Variants in MYO1D observed in about 807,000 individuals in gnomAD.
The protein encoded by MYO1D is myosin ID, also known as unconventional myosin-Id.
A neutral mutation model predicts 122.0 loss-of-function variants in MYO1D; 83 were observed. The observed-to-expected ratio is 0.68, with a 90% CI of 0.57 to 0.82. The LOEUF (loss-of-function observed/expected upper bound fraction) is 0.82. MYO1D is among the 40% of genes least tolerant of loss of function. MYO1D has a pLI of 0.00. For synonymous variants in MYO1D, 464 were observed against 446.9 expected (o/e 1.04, Z -0.48); for missense variants, 1,157 against 1,269.5 (o/e 0.91, Z 1.35).
intron 16 of MYO1D, among the ~76,000 whole-genome samples, chr17:32,693,364 T>C (rs949966885): frequency 2.0e-5 from 3 of 150,654 alleles, no homozygotes; most frequent in Non-Finnish European, 4.4e-5. Context: ...AGAAGTGTCT[T>C]GGAAAGGGAA....
intron 1 of MYO1D, among the ~76,000 whole-genome samples, chr17:32,800,804 C>T (rs1166509567): frequency 1.3e-5 from 2 of 152,016 alleles, no homozygotes; most frequent in Non-Finnish European, 2.9e-5. Flanking sequence ...AACTCCTGGG[C>T]TTGAGCAATC....
intron 21 of MYO1D, among the ~76,000 whole-genome samples, chr17:32,501,212 G>A (rs1416420917): frequency 6.6e-6 from 1 of 152,186 alleles, no homozygotes; most frequent in African/African-American, 2.4e-5. Flanking sequence ...TGGTGATGAT[G>A]ATGATGATAT....
At chr17:32,670,116 G>A (rs577756587) in intron 16 of MYO1D, among the ~76,000 whole-genome samples, 9 of 151,956 alleles carry the variant, frequency 5.9e-5, no homozygotes, top group East Asian at 3.9e-4. Context: ...GGCTGGTTTC[G>A]AATTCCTGAC....
At chr17:32,501,843 C>T (rs1185055773) in intron 21 of MYO1D, among the ~76,000 whole-genome samples, 1 of 152,158 alleles carries the variant, frequency 6.6e-6, no homozygotes, top group African/African-American at 2.4e-5. Flanking sequence ...ATTAATTGAA[C>T]CCAAAGAGGA....
chr17:32,624,714 T>C (rs556799877), intron 20 of MYO1D, among the ~76,000 whole-genome samples: 29 of 150,520 alleles, frequency 1.9e-4, no homozygotes, highest in Non-Finnish European at 3.5e-4. Context: ...GGCAGCTCTC[T>C]TTAAAGGTGC....
At chr17:32,856,838 T>C (rs1298503735) in intron 1 of MYO1D, among the ~76,000 whole-genome samples, 2 of 152,242 alleles carry the variant, frequency 1.3e-5, no homozygotes, top group African/African-American at 4.8e-5. Context: ...GCATGTTCTA[T>C]GAGCACTTTG....
At chr17:32,679,284 T>C (rs1374333659) in intron 16 of MYO1D, among the ~76,000 whole-genome samples, 1 of 151,724 alleles carries the variant, frequency 6.6e-6, no homozygotes, top group African/African-American at 2.4e-5. Context: ...TTTGTCAATT[T>C]TGTCTTTTGT....
At chr17:32,588,147 C>T (rs2087407785) in intron 21 of MYO1D, among the ~76,000 whole-genome samples, 1 of 151,954 alleles carries the variant, frequency 6.6e-6, no homozygotes, top group Admixed American at 6.6e-5. Context: ...AGCTAAAGTC[C>T]CCATAGGAAA....
At chr17:32,661,160 G>T (rs1015831696) in intron 16 of MYO1D, among the ~76,000 whole-genome samples, 1 of 151,972 alleles carries the variant, frequency 6.6e-6, no homozygotes, top group Non-Finnish European at 1.5e-5. Flanking sequence ...TATAAAGGGG[G>T]TCTTTTCTGA....
chr17:32,822,520 C>T (rs1166048188), intron 1 of MYO1D, among the ~76,000 whole-genome samples: 5 of 151,248 alleles, frequency 3.3e-5, no homozygotes, highest in East Asian at 3.9e-4. Context: ...CTTCGGTTCC[C>T]GCCTCCTCCC....
At chr17:32,710,803 A>G (rs964108808) in intron 16 of MYO1D, among the ~76,000 whole-genome samples, 1 of 152,224 alleles carries the variant, frequency 6.6e-6, no homozygotes, top group Admixed American at 6.5e-5. Context: ...TACAGCAAGC[A>G]AAGAAGCATT....
chr17:32,627,621 T>C (rs1597949026), intron 20 of MYO1D: 1 of 152,134 alleles, frequency 6.6e-6, no homozygotes, highest in East Asian at 1.9e-4. Context: ...TGCTTTGTAT[T>C]CTCCACAGAA....
At chr17:32,842,889 T>TC (rs1258904306) in intron 1 of MYO1D, among the ~76,000 whole-genome samples, 9 of 123,458 alleles carry the variant, frequency 7.3e-5, no homozygotes, top group South Asian at 5.5e-4. Flanking sequence ...TTTCTTTCTT[T>TC]TTTTTTTTTT....
chr17:32,507,891 A>AT (rs1784814235), intron 21 of MYO1D, among the ~76,000 whole-genome samples: 1 of 129,318 alleles, frequency 7.7e-6, no homozygotes, highest in South Asian at 2.5e-4. Context: ...ACCATGCTGG[A>AT]CTTTTTTTTT....
chr17:32,521,329 T>C (rs910175264), intron 21 of MYO1D, among the ~76,000 whole-genome samples: 5 of 152,168 alleles, frequency 3.3e-5, no homozygotes, highest in African/African-American at 1.2e-4. Context: ...ATATTGTCTC[T>C]CATAGCACTC....
intron 12 of MYO1D, among the ~76,000 whole-genome samples, chr17:32,747,337 AG>A (rs2089848251): frequency 6.6e-6 from 1 of 152,204 alleles, no homozygotes; most frequent in Non-Finnish European, 1.5e-5. Context: ...CAATAAGATG[AG>A]GAGCAGTGTT....
At chr17:32,633,215 G>T (rs1297452654) in intron 20 of MYO1D, among the ~76,000 whole-genome samples, 1 of 147,252 alleles carries the variant, frequency 6.8e-6, no homozygotes, top group East Asian at 2.0e-4. Flanking sequence ...GCTAGAAAAA[G>T]AACAACCTAA....
At chr17:32,574,094 C>T (rs573187206) in intron 21 of MYO1D, among the ~76,000 whole-genome samples, 2 of 152,112 alleles carry the variant, frequency 1.3e-5, no homozygotes, top group East Asian at 1.9e-4. Flanking sequence ...CCTCGTGATC[C>T]GTCCGCCTCA....
At chr17:32,528,553 T>A (rs894009700) in intron 21 of MYO1D, among the ~76,000 whole-genome samples, 1 of 152,074 alleles carries the variant, frequency 6.6e-6, no homozygotes, top group Non-Finnish European at 1.5e-5. Context: ...CACATCCTAA[T>A]CCCTGGAACC....
Sources: allele counts gnomAD v4.1 joint callset (sites outside exome capture counted in the v4.1 genomes callset), GRCh38; gene constraint gnomAD v4.1.1; transcripts MANE v1.5; gene names NCBI Gene and HGNC (gene_info 2026-07-23, HGNC 2026-07-21).